Variants in DHX35 observed in about 807,000 individuals in gnomAD.
DHX35 encodes probable ATP-dependent RNA helicase DHX35.
DHX35 carries 84 observed loss-of-function variants against 99.6 expected under a neutral mutation model. That is an observed-to-expected ratio of 0.84 (90% confidence interval 0.71 to 1.01). The LOEUF (loss-of-function observed/expected upper bound fraction) is 1.01. Among genes scored for constraint, DHX35 ranks in the 50% least tolerant of loss-of-function variants. The probability of loss-of-function intolerance (pLI) is 0.00; values close to 1 mark genes in which losing one functional copy is unlikely to be tolerated. For missense variants in DHX35, 852 were observed against 888.5 expected (o/e 0.96, Z 0.52); for synonymous variants, 331 against 316.2 (o/e 1.05, Z -0.50).
chr20:38,969,298 G>T, intron 2 of DHX35, 84 bp downstream of exon 2: 3 of 1,448,866 alleles, frequency 2.1e-6, no homozygotes, highest in South Asian at 1.5e-5. Flanking sequence ...GGGAATGATG[G>T]CCTCTTTCTA....
chr20:38,964,146 T>A (rs1022604511), intron 1 of DHX35, among the ~76,000 whole-genome samples: 1 of 152,140 alleles, frequency 6.6e-6, no homozygotes, highest in Non-Finnish European at 1.5e-5. Flanking sequence ...AAGAAATACT[T>A]CATTAAGGTG....
Position 38,988,846 on chromosome 20 carries a change from G to T in DHX35, c.379G>T (p.Val127Leu), listed in dbSNP as rs201384574. 29 of 1,613,854 alleles carry T rather than the reference G, an allele frequency of 1.8e-5. No homozygotes were observed. In the East Asian group the frequency reaches 6.0e-4, roughly 33 times the overall value. Residue 127 changes from valine (V) to leucine (L), a missense_variant, in exon 5 of 22, where the codon GTG becomes TTG. Physicochemically the swap from Val to Leu is conservative, Grantham distance 32 (BLOSUM62 1). Coordinates refer to ENST00000252011, the MANE Select transcript of DHX35 (RefSeq NM_021931.4). ...AGRVAEERGA[V>L]LGHEVGYCIR... Reference sequence around the variant, plus strand: ...GAGAGTAGCTGAAGAAAGGGGTGCAGTGCTGGGCCACGAGGTGGGCTACTG... The same window carrying T: ...GAGAGTAGCTGAAGAAAGGGGTGCATTGCTGGGCCACGAGGTGGGCTACTG...
chr20:38,972,060 G>A (rs910987189), intron 2 of DHX35, among the ~76,000 whole-genome samples: 9 of 130,034 alleles, frequency 6.9e-5, no homozygotes, highest in Non-Finnish European at 1.4e-4. Flanking sequence ...TCAGGCTGAA[G>A]TGCAGTGGCA....
chr20:38,971,572 A>T (rs73287175), intron 2 of DHX35, among the ~76,000 whole-genome samples: 1 of 151,996 alleles, frequency 6.6e-6, no homozygotes, highest in African/African-American at 2.4e-5. Flanking sequence ...TCTGCTTTGT[A>T]TATTGTCCTT....
At chr20:38,984,180 G>A (rs1259916430) in intron 4 of DHX35, among the ~76,000 whole-genome samples, 1 of 152,170 alleles carries the variant, frequency 6.6e-6, no homozygotes, top group Non-Finnish European at 1.5e-5. Flanking sequence ...AAAATGCTGG[G>A]ATTACAGGCA....
At chr20:38,990,593 T>C (rs1194451199) in intron 5 of DHX35, among the ~76,000 whole-genome samples, 1 of 152,154 alleles carries the variant, frequency 6.6e-6, no homozygotes, top group Non-Finnish European at 1.5e-5. Flanking sequence ...TAAAAAATAA[T>C]GTAAATTTAA....
chr20:38,981,664 C>T (rs1000928333), intron 3 of DHX35, among the ~76,000 whole-genome samples: 7 of 152,044 alleles, frequency 4.6e-5, no homozygotes, highest in Admixed American at 6.6e-5. Context: ...GATCTGGGGC[C>T]GGGCGTGGTG....
chr20:38,992,876 G>T (rs1601398323), intron 7 of DHX35, among the ~76,000 whole-genome samples: 1 of 152,036 alleles, frequency 6.6e-6, no homozygotes, highest in East Asian at 1.9e-4. Context: ...TACTGTTGTA[G>T]CAAGCACCCT....
At chr20:39,034,959 T>C (rs577477004) in intron 21 of DHX35, among the ~76,000 whole-genome samples, 28 of 152,136 alleles carry the variant, frequency 1.8e-4, no homozygotes, top group African/African-American at 6.5e-4. Context: ...GGGGTTTCAC[T>C]ATGTTGCCCA....
At chr20:38,999,214 CT>C (rs1386971812) in intron 8 of DHX35, among the ~76,000 whole-genome samples, 1 of 151,942 alleles carries the variant, frequency 6.6e-6, no homozygotes, top group Non-Finnish European at 1.5e-5. Flanking sequence ...GTTCTGCTTG[CT>C]TTTTTGGTAA....
At position 39,002,210 on chromosome 20, in the gene DHX35, C is replaced by T. The variant is rs1351541231; in HGVS notation, c.755+368C>T. ...GGCTCTCAGTTCTCTACATCCCTAG[C>T]GAGAAGGCCCAGTTGGCATTTTTAG... On this transcript the variant is annotated intron_variant, in intron 9 of 21. Coordinates refer to ENST00000252011, the MANE Select transcript of DHX35 (RefSeq NM_021931.4). Among the ~76,000 whole-genome samples, 4 of 152,152 alleles carry T rather than the reference C, an allele frequency of 2.6e-5. No homozygotes were observed. The East Asian group carries it at 7.7e-4, about 29-fold the overall frequency.
chr20:39,030,785 T>C lies in DHX35; in HGVS notation c.1955+10T>C. ...AGAAGCCGCCTCGCTGGTAAGCTCA[T>C]CCTGCTGCTTAGCCTGTGCCTGCTT... is the stretch of plus-strand genomic sequence containing the variant. On this transcript the variant is annotated intron_variant, in intron 20 of 21. Transcript: ENST00000252011. 1 of 1,613,904 alleles carries C rather than the reference T, an allele frequency of 6.2e-7. No individual in the cohort carries two copies. The highest frequency in any genetic ancestry group is 8.5e-7 in the Non-Finnish European group (1 of 1,179,788).
chr20:38,971,684 C>T (rs545796906), intron 2 of DHX35, among the ~76,000 whole-genome samples: 2 of 152,240 alleles, frequency 1.3e-5, no homozygotes, highest in East Asian at 1.9e-4. Context: ...CAAGTAGATA[C>T]GTGTTTGCCC....
chr20:39,004,123 C>T (rs955248087), intron 11 of DHX35, among the ~76,000 whole-genome samples: 33 of 151,952 alleles, frequency 2.2e-4, no homozygotes, highest in African/African-American at 3.9e-4. Context: ...AGTGCAGTGG[C>T]GCGATCTCAG....
chr20:38,963,995 T>C (rs2085873437), intron 1 of DHX35, among the ~76,000 whole-genome samples: 1 of 152,160 alleles, frequency 6.6e-6, no homozygotes, highest in South Asian at 2.1e-4. Flanking sequence ...ATCTGTAAAT[T>C]GGGTATAATA....
chr20:39,006,326 C>A lies in DHX35; in HGVS notation c.1192C>A (p.Arg398Ser). The A allele has an allele frequency of 1.9e-6, 3 of 1,614,092 alleles. No individual in the cohort carries two copies. Among genetic ancestry groups the A allele is most frequent in the Non-Finnish European group, 2.5e-6 (3 of 1,180,014 alleles). ...NQRAGRGGRS[R>S]SGKCYRLYTE... ...GCGAGCAGGACGTGGTGGTCGTAGT[C>A]GCTCGGGAAAATGTTATCGCCTTTA... The change falls in exon 12 of 22, where the codon CGC becomes AGC. Residue 398 changes from arginine to serine, a missense_variant. Arg to Ser is a moderately radical substitution (Grantham distance 110). Coordinates refer to ENST00000252011, the MANE Select transcript of DHX35 (RefSeq NM_021931.4).
chr20:38,997,046 T>TTTTA (rs143900166), intron 8 of DHX35, among the ~76,000 whole-genome samples: 11,755 of 148,938 alleles, frequency 0.079, 543 homozygotes, highest in African/African-American at 0.11. Flanking sequence ...CTTAGATTCA[T>TTTTA]TTTATTTATT....
In DHX35 at chr20:39,002,917, A is replaced by G. The variant is rs754590665; in HGVS notation, c.852+49A>G. 3.2e-5 allele frequency: 47 copies of G among 1,471,278 alleles called. 1 individual carries two copies. The highest frequency in any genetic ancestry group is 4.0e-5 in the Non-Finnish European group (42 of 1,054,498). 91.1% of individuals were successfully genotyped at this position (1,471,278 alleles called of 1,614,324 possible). A position where few individuals can be genotyped will look rare whatever the true frequency, so the allele number is the denominator to read the frequency against. ...TGAATAGACATGTTAAGACAGCACC[A>G]AAAGTAATACAGAGCCTTGTTACTT... On this transcript the variant is annotated intron_variant, in intron 10 of 21. Coordinates refer to ENST00000252011, the MANE Select transcript of DHX35 (RefSeq NM_021931.4).
intron 19 of DHX35, among the ~76,000 whole-genome samples, chr20:39,028,854 G>A (rs573416246): frequency 6.6e-6 from 1 of 152,300 alleles, no homozygotes; most frequent in Non-Finnish European, 1.5e-5. Context: ...AGTTTATTAT[G>A]TCTTTAGAGA....
Sources: allele counts gnomAD v4.1 joint callset (sites outside exome capture counted in the v4.1 genomes callset), GRCh38; gene constraint gnomAD v4.1.1; transcripts MANE v1.5; gene names NCBI Gene and HGNC (gene_info 2026-07-23, HGNC 2026-07-21).